CAMK4: variants seen among roughly 807,000 people sequenced by gnomAD.
The protein encoded by CAMK4 is calcium/calmodulin-dependent protein kinase type IV.
In CAMK4, 22 loss-of-function variants were observed where a neutral mutation model predicts 44.9. The ratio of observed to expected loss-of-function variants is 0.49; its 90% CI spans 0.35 to 0.70. The LOEUF (loss-of-function observed/expected upper bound fraction) is 0.70, where lower values mean the gene tolerates loss of function less well. Ranked by LOEUF, CAMK4 falls within the 30% of genes least tolerant of loss-of-function variation. The probability of loss-of-function intolerance (pLI) is 0.01; values close to 1 mark genes in which losing one functional copy is unlikely to be tolerated. For missense variants in CAMK4, 498 were observed against 586.8 expected, an observed-to-expected ratio of 0.85 and a Z score of 1.56; for synonymous variants, 218 against 215.4, an observed-to-expected ratio of 1.01 and a Z score of -0.11.
At chr5:111,412,882 A>G (rs1406399387) in intron 5 of CAMK4, among the ~76,000 whole-genome samples, 1 of 152,146 alleles carries the variant, frequency 6.6e-6, no homozygotes, top group Non-Finnish European at 1.5e-5. Flanking sequence ...TTTCTACATA[A>G]TCCAACCCTT....
At chr5:111,339,997 A>C (rs1287948013) in intron 1 of CAMK4, among the ~76,000 whole-genome samples, 1 of 150,852 alleles carries the variant, frequency 6.6e-6, no homozygotes, top group African/African-American at 2.4e-5. Context: ...AAATTGAATT[A>C]TTTTCTTCAT....
chr5:111,462,861 G>A (rs752538083), intron 7 of CAMK4, among the ~76,000 whole-genome samples: 3 of 152,120 alleles, frequency 2.0e-5, no homozygotes, highest in South Asian at 2.1e-4. Flanking sequence ...AATCTCTAGA[G>A]GGATACTCAG....
rs1157904670 is a variant in CAMK4 at position 111,482,828 on chromosome 5, C to T, written c.872C>T (p.Thr291Ile). The T allele has an allele frequency of 6.2e-7, 1 of 1,612,444 alleles. No individual in the cohort carries two copies. ...TTGGATCCAAAGAAACGGCTGACTA[C>T]ATTTCAAGCTCTCCAGCATCCGTGG... The part of the protein sequence containing the change: ...IVLDPKKRLT[T>I]FQALQHPWVT... Residue 291 changes from threonine to isoleucine, a missense_variant, in exon 10 of 11, where the codon ACA becomes ATA. Around this residue, in one of 3 missense-constraint regions of CAMK4, gnomAD observed 203 missense variants for 298.2 expected, o/e 0.68. Transcript: ENST00000282356. The surrounding 1 kb of genome is among the most constrained non-coding windows in gnomAD (Gnocchi z 4.9).
intron 1 of CAMK4, among the ~76,000 whole-genome samples, chr5:111,292,380 C>T (rs1165252485): frequency 6.6e-6 from 1 of 151,850 alleles, no homozygotes; most frequent in Non-Finnish European, 1.5e-5. Flanking sequence ...TGTATGTGTA[C>T]ATATGTGTTT....
At chr5:111,309,305 G>C (rs1341485628) in intron 1 of CAMK4, among the ~76,000 whole-genome samples, 1 of 152,126 alleles carries the variant, frequency 6.6e-6, no homozygotes, top group Non-Finnish European at 1.5e-5. Flanking sequence ...CCTTTGACCT[G>C]GGTCTTAGGT....
chr5:111,229,731 G>GT (rs1158629177), intron 1 of CAMK4, among the ~76,000 whole-genome samples: 28 of 152,226 alleles, frequency 1.8e-4, no homozygotes, highest in South Asian at 1.2e-3. Flanking sequence ...GGGATGGTAG[G>GT]TTTTTTTATC....
At chr5:111,407,505 GA>G (rs1044161373) in intron 5 of CAMK4, among the ~76,000 whole-genome samples, 5 of 151,960 alleles carry the variant, frequency 3.3e-5, no homozygotes, top group African/African-American at 1.2e-4. Flanking sequence ...AAGCTGTAAG[GA>G]AATAAGCTTT....
At chr5:111,319,777 C>T (rs1748582162) in intron 1 of CAMK4, among the ~76,000 whole-genome samples, 1 of 152,170 alleles carries the variant, frequency 6.6e-6, no homozygotes, top group African/African-American at 2.4e-5. Context: ...AATGCTAGTA[C>T]TACATTTCTA....
chr5:111,361,490 A>G (rs990809884), intron 2 of CAMK4, among the ~76,000 whole-genome samples: 2 of 152,056 alleles, frequency 1.3e-5, no homozygotes, highest in African/African-American at 4.8e-5. Flanking sequence ...TCTTGGTCAT[A>G]TGAAATGGTC....
At chr5:111,338,186 CA>C (rs777279183) in intron 1 of CAMK4, among the ~76,000 whole-genome samples, 5 of 151,048 alleles carry the variant, frequency 3.3e-5, no homozygotes, top group Non-Finnish European at 5.9e-5. Context: ...ATGACTAAAT[CA>C]AGCTAAATAA....
At chr5:111,360,362 G>T (rs1053710032) in intron 2 of CAMK4, among the ~76,000 whole-genome samples, 2 of 152,006 alleles carry the variant, frequency 1.3e-5, no homozygotes, top group African/African-American at 4.8e-5. Flanking sequence ...GCCAGATGCT[G>T]TCTGCAGTAG....
At chr5:111,287,786 C>G (rs970463519) in intron 1 of CAMK4, among the ~76,000 whole-genome samples, 1 of 152,070 alleles carries the variant, frequency 6.6e-6, no homozygotes, top group Admixed American at 6.6e-5. Flanking sequence ...AAATTACATC[C>G]TAACCTTTTT....
Position 111,227,768 on chromosome 5 carries a change from A to G in CAMK4, c.161+3124A>G, listed in dbSNP as rs151213956. Among the ~76,000 whole-genome samples, 644 of 152,330 alleles carry G rather than the reference A, an allele frequency of 4.2e-3. 3 individuals carry two copies. Among genetic ancestry groups the G allele is most frequent in the African/African-American group, 0.015 (625 of 41,566 alleles). Reference sequence around the variant, plus strand: ...GGGTTACGGGTGAATTAAAAGTATCAGGCAAAGTAATTTTCCTAAAATCAC... The same window carrying G: ...GGGTTACGGGTGAATTAAAAGTATCGGGCAAAGTAATTTTCCTAAAATCAC... On this transcript the variant is annotated intron_variant, in intron 1 of 10. Transcript: ENST00000282356.
At chr5:111,278,550 TA>T (rs1750868641) in intron 1 of CAMK4, among the ~76,000 whole-genome samples, 1 of 152,210 alleles carries the variant, frequency 6.6e-6, no homozygotes, top group Non-Finnish European at 1.5e-5. Flanking sequence ...TTAAAATTTG[TA>T]GCTAAATATA....
chr5:111,239,087 C>T (rs561985988), intron 1 of CAMK4, among the ~76,000 whole-genome samples: 8 of 151,914 alleles, frequency 5.3e-5, no homozygotes, highest in East Asian at 3.9e-4. Flanking sequence ...TAAAACTTGG[C>T]GCATCTTGAG....
At chr5:111,225,030 C>G (rs1423388214) in intron 1 of CAMK4, among the ~76,000 whole-genome samples, 1 of 152,170 alleles carries the variant, frequency 6.6e-6, no homozygotes, top group African/African-American at 2.4e-5. Context: ...CGGAGGGTGC[C>G]CCTCCAAATC....
intron 1 of CAMK4, among the ~76,000 whole-genome samples, chr5:111,300,424 T>C (rs748524843): frequency 2.0e-5 from 3 of 152,222 alleles, no homozygotes; most frequent in Non-Finnish European, 4.4e-5. Context: ...TTGAAGAAAG[T>C]GTGTAGTTTT....
intron 4 of CAMK4, among the ~76,000 whole-genome samples, chr5:111,379,734 C>T (rs1751345522): frequency 6.6e-6 from 1 of 151,874 alleles, no homozygotes; most frequent in African/African-American, 2.4e-5. Context: ...TCTAATAGTA[C>T]ATAATGAATG....
rs147516085 is a variant in CAMK4 at position 111,484,282 on chromosome 5, C to A, written c.1238C>A (p.Ala413Asp). Reference sequence around the variant, plus strand: ...GGTGCAGATATAAATGCTGAAGAGGCCCCCAAAATGGTGCCCAAGGCAGTG... The same window carrying A: ...GGTGCAGATATAAATGCTGAAGAGGACCCCAAAATGGTGCCCAAGGCAGTG... ...VKGADINAEE[A>D]PKMVPKAVED... The change falls in exon 11 of 11, where the codon GCC becomes GAC. Residue 413 changes from alanine to aspartate, a missense_variant. Physicochemically the swap from Ala to Asp is moderately radical, Grantham distance 126. Coordinates refer to ENST00000282356, the MANE Select transcript of CAMK4 (RefSeq NM_001744.6). The surrounding 1 kb of genome is among the most constrained non-coding windows in gnomAD (Gnocchi z 5.3). 52 of 1,614,004 alleles carry A rather than the reference C, an allele frequency of 3.2e-5. No individual in the cohort carries two copies. In the African/African-American group the frequency reaches 6.7e-4, roughly 21 times the overall value.
Sources: allele counts gnomAD v4.1 joint callset (sites outside exome capture counted in the v4.1 genomes callset), GRCh38; gene constraint gnomAD v4.1.1; regional missense constraint gnomAD v4.1.1; non-coding constraint Gnocchi (gnomAD v3.1); transcripts MANE v1.5; gene names NCBI Gene and HGNC (gene_info 2026-07-23, HGNC 2026-07-21).